AP4M1: variants seen among roughly 807,000 people sequenced by gnomAD.
AP4M1 encodes the protein AP-4 complex subunit mu-1.
A neutral mutation model predicts 62.4 loss-of-function variants in AP4M1; 58 were observed. The ratio of observed to expected loss-of-function variants is 0.93; its 90% confidence interval spans 0.75 to 1.16. AP4M1 has a LOEUF of 1.16. Ranked by LOEUF, AP4M1 falls within the 50% of genes most tolerant of loss-of-function variation. The pLI is 0.00. For synonymous variants in AP4M1, 290 were observed against 239.7 expected, an observed-to-expected ratio of 1.21 and a Z score of -1.94; for missense variants, 626 against 585.4, an observed-to-expected ratio of 1.07 and a Z score of -0.72.
rs562389602 is a variant in AP4M1 at position 100,104,986 on chromosome 7, T to C, written c.673+46T>C. 3.1e-6 allele frequency: 5 copies of C among 1,613,864 alleles called. No homozygotes were observed. The Admixed American group carries it at 5.0e-5, about 16-fold the overall frequency. On this transcript the variant is annotated intron_variant, in intron 8 of 14. Coordinates refer to ENST00000359593, the MANE Select transcript of AP4M1 (RefSeq NM_004722.4). ...ACCAAGGGTTGGGGTTAGGGCGGGT[T>C]CCTTGGTGTCTTAAACCATGGCATT...
At position 100,108,329 on chromosome 7, in the gene AP4M1, T is replaced by G; in HGVS notation, c.*1447T>G. On this transcript the variant is annotated 3_prime_UTR_variant, in exon 15 of 15. Transcript: ENST00000359593. ...CCTGTCCCACACAGGGGTTCTCCTCTGCTTCCTCCTATTCCTCCTCCCCAC... is the reference window on the plus strand; with the variant it reads ...CCTGTCCCACACAGGGGTTCTCCTCGGCTTCCTCCTATTCCTCCTCCCCAC... 6.4e-7 allele frequency: 1 copy of G among 1,568,362 alleles called. No individual in the cohort carries two copies.
chr7:100,106,083 A>G, intron 12 of AP4M1, 80 bp downstream of exon 12: 1 of 1,577,612 alleles, frequency 6.3e-7, no homozygotes, highest in South Asian at 1.1e-5. Context: ...TTCTCCCTTC[A>G]GATGCAGCTG....
rs1212909563 is a variant in AP4M1, at chr7:100,101,654, G to A, written c.-61G>A. 21 of 1,510,534 alleles carry A rather than the reference G, an allele frequency of 1.4e-5. No individual in the cohort carries two copies. Among genetic ancestry groups the A allele is most frequent in the Non-Finnish European group, 1.8e-5 (20 of 1,087,352 alleles). 93.6% of individuals were successfully genotyped at this position (1,510,534 alleles called of 1,614,324 possible). A position where few individuals can be genotyped will look rare whatever the true frequency, so the allele number is the denominator to read the frequency against. ...AGCGCACACGCGTTCTTTTGTTCCGGGGCCGCAGGGCGGGGCAGGCCCGAC... is the reference window on the plus strand; with the variant it reads ...AGCGCACACGCGTTCTTTTGTTCCGAGGCCGCAGGGCGGGGCAGGCCCGAC... On this transcript the variant is annotated 5_prime_UTR_variant, in exon 1 of 15. Transcript: ENST00000359593.
chr7:100,101,213 C>T (rs768445188), upstream of AP4M1: 2 of 1,608,618 alleles, frequency 1.2e-6, no homozygotes, highest in African/African-American at 1.3e-5. Flanking sequence ...AACAGGTGTT[C>T]CCCGGGAGGC....
At position 100,102,942 on chromosome 7, in the gene AP4M1, A is replaced by G; in HGVS notation, c.333A>G (p.Glu111=). Residue 111 remains glutamate (E), a synonymous_variant, in exon 4 of 15, where the codon GAA becomes GAG. Coordinates refer to ENST00000359593, the MANE Select transcript of AP4M1 (RefSeq NM_004722.4). ...CCCGCAATGTGGCTCTGGTATACGA[A>G]CTCCTGGATGAAGTGCTGGTGAGAA... is the stretch of plus-strand genomic sequence containing the variant. The part of the protein sequence containing the change: ...TISRNVALVY[E]LLDEVLDYGY... The G allele has an allele frequency of 6.2e-7, 1 of 1,613,266 alleles. No homozygotes were observed. Among genetic ancestry groups the G allele is most frequent in the South Asian group, 1.1e-5 (1 of 91,022 alleles).
At chr7:100,102,555 C>T (rs762555422) in intron 2 of AP4M1, 120 bp from the exon 3 acceptor site, 9 of 838,158 alleles carry the variant, frequency 1.1e-5, no homozygotes, top group Non-Finnish European at 1.8e-5. Flanking sequence ...TCATGTATCT[C>T]CCAAAGGCAC....
Position 100,103,664 on chromosome 7 carries a change from G to A in AP4M1, c.515G>A (p.Arg172His), listed in dbSNP as rs746585330. The change falls in exon 6 of 15, where the codon CGC becomes CAC. Residue 172 changes from arginine to histidine, a missense_variant. Arg to His is a conservative substitution (Grantham distance 29). Transcript: ENST00000359593. The stretch of plus-strand genomic sequence containing the variant: ...GTGGCCCCCAGCAGTGCAGCCAGCC[G>A]CCCCGTCCTGTCCAGTCGCTCTGAC... Reference protein sequence around the residue: ...SKVAPSSAASRPVLSSRSDQS... With the variant: ...SKVAPSSAASHPVLSSRSDQS... 9.3e-6 allele frequency: 15 copies of A among 1,612,960 alleles called. No individual in the cohort carries two copies. The highest frequency in any genetic ancestry group is 4.4e-5 in the South Asian group (4 of 91,042).
intron 2 of AP4M1, chr7:100,102,425 G>A (rs1796127083): frequency 2.3e-6 from 1 of 438,862 alleles, no homozygotes; most frequent in Non-Finnish European, 3.9e-6. Flanking sequence ...AAAAAAAAGA[G>A]TCAATGGGCG....
chr7:100,103,934 C>T (rs1353005333), intron 6 of AP4M1, among the ~76,000 whole-genome samples, 158 bp from the exon 7 acceptor site: 1 of 151,888 alleles, frequency 6.6e-6, no homozygotes, highest in Non-Finnish European at 1.5e-5. Flanking sequence ...ATCTCCCACC[C>T]CCCCAGATGT....
chr7:100,106,433 G>C lies in AP4M1; in HGVS notation c.1056G>C (p.Gln352His). The change falls in exon 14 of 15, where the codon CAG (glutamine) becomes CAC (histidine). Residue 352 changes from glutamine (Q) to histidine (H), a missense_variant. Physicochemically the swap from Gln to His is conservative, Grantham distance 24 (BLOSUM62 0). Transcript: ENST00000359593. ...SLSQELSSPE[Q>H]KAELAEGALR... ...CTCAGGAGCTGAGCAGCCCAGAGCAGAAGGCTGAGCTGGCAGAGGGAGCCC... is the reference window on the plus strand; with the variant it reads ...CTCAGGAGCTGAGCAGCCCAGAGCACAAGGCTGAGCTGGCAGAGGGAGCCC... 6.2e-7 allele frequency: 1 copy of C among 1,613,896 alleles called. No individual in the cohort carries two copies. Among genetic ancestry groups the C allele is most frequent in the Non-Finnish European group, 8.5e-7 (1 of 1,180,028 alleles).
Position 100,105,341 on chromosome 7 carries a change from G to A in AP4M1, c.829G>A (p.Gly277Ser). The change falls in exon 10 of 15, where the codon GGC becomes AGC. Residue 277 changes from glycine to serine, a missense_variant. By Grantham distance (56) the Gly-to-Ser change is moderately conservative. Transcript: ENST00000359593. ...AATCCTCCGCTTGCAACCACCTCAGGGCGAGGTCAGGGTTGGGGTGGCCTC... is the reference window on the plus strand; with the variant it reads ...AATCCTCCGCTTGCAACCACCTCAGAGCGAGGTCAGGGTTGGGGTGGCCTC... ...HRILRLQPPQGELTVMRYQLS... is the reference protein window; with the variant it reads ...HRILRLQPPQSELTVMRYQLS... 1 of 1,614,060 alleles carries A rather than the reference G, an allele frequency of 6.2e-7. No homozygotes were observed. Among genetic ancestry groups the A allele is most frequent in the Non-Finnish European group, 8.5e-7 (1 of 1,179,996 alleles).
rs754049297 is a variant in AP4M1 at position 100,104,148 on chromosome 7, A to G, written c.600A>G (p.Ala200=). 1 of 1,613,930 alleles carries G rather than the reference A, an allele frequency of 6.2e-7. No homozygotes were observed. Reference sequence around the variant, plus strand: ...TCGAGAGATTGTCTGTACTGATAGCATCTAATGTAAGTTTGAGCTCCCAAA... The same window carrying G: ...TCGAGAGATTGTCTGTACTGATAGCGTCTAATGTAAGTTTGAGCTCCCAAA... ...DVVERLSVLI[A]SNGSLLKVDV... Residue 200 remains alanine (A), a synonymous_variant, in exon 7 of 15, where the codon GCA becomes GCG. Coordinates refer to ENST00000359593, the MANE Select transcript of AP4M1 (RefSeq NM_004722.4).
upstream of AP4M1, chr7:100,101,253 T>TC (rs1562902308): frequency 6.2e-7 from 1 of 1,612,990 alleles, no homozygotes; most frequent in African/African-American, 1.3e-5. Context: ...CCCGGGCTCG[T>TC]AGACCCGTAC....
In AP4M1 at chr7:100,101,671, A is replaced by C; in HGVS notation, c.-44A>C. ...TTGTTCCGGGGCCGCAGGGCGGGGC[A>C]GGCCCGACTTTCGCCGTCTTCTTGT... On this transcript the variant is annotated 5_prime_UTR_variant, in exon 1 of 15. Coordinates refer to ENST00000359593, the MANE Select transcript of AP4M1 (RefSeq NM_004722.4). The C allele has an allele frequency of 6.4e-7, 1 of 1,569,042 alleles. No homozygotes were observed. Among genetic ancestry groups the C allele is most frequent in the Non-Finnish European group, 8.8e-7 (1 of 1,139,902 alleles).
At chr7:100,101,001 G>A, upstream of AP4M1, 1 of 843,252 alleles carries the variant, frequency 1.2e-6, no homozygotes, top group Non-Finnish European at 1.8e-6. Context: ...CCCCCAGCCG[G>A]GTTAGCGCGC....
At chr7:100,102,420 AAAG>A in intron 2 of AP4M1, 1 of 441,128 alleles carries the variant, frequency 2.3e-6, no homozygotes, top group Non-Finnish European at 3.9e-6. Flanking sequence ...AAAAAAAAAA[AAAG>A]AGTCAATGGG....
upstream of AP4M1, chr7:100,101,216 C>A (rs529511263): frequency 4.9e-5 from 79 of 1,610,768 alleles, no homozygotes; most frequent in Non-Finnish European, 6.5e-5. Context: ...AGGTGTTCCC[C>A]GGGAGGCTCC....
Position 100,108,362 on chromosome 7 carries a change from C to G in AP4M1, c.*1480C>G. 1 of 1,593,374 alleles carries G rather than the reference C, an allele frequency of 6.3e-7. No homozygotes were observed. Among genetic ancestry groups the G allele is most frequent in the Non-Finnish European group, 8.6e-7 (1 of 1,166,260 alleles). On this transcript the variant is annotated 3_prime_UTR_variant, in exon 15 of 15. Transcript: ENST00000359593. ...CCTATTCCTCCTCCCCACCCGGCCA[C>G]GGACCTGCGTGATGGTCAGAGTGGT...
At chr7:100,104,750 G>A in intron 7 of AP4M1, 124 bp from the exon 8 acceptor site, 4 of 1,039,536 alleles carry the variant, frequency 3.8e-6, no homozygotes, top group Non-Finnish European at 6.0e-6. Context: ...AGAATGTCTT[G>A]AACCTGGGAG....
Sources: gnomAD v4.1 joint callset for allele counts (sites outside exome capture counted in the v4.1 genomes callset) on GRCh38, gnomAD v4.1.1 for gene constraint, MANE v1.5 for transcripts, NCBI Gene and HGNC (gene_info 2026-07-23, HGNC 2026-07-21) for gene names.